GLIS3: variants seen among roughly 807,000 people sequenced by gnomAD.
GLIS3 encodes the protein GLIS family zinc finger 3, also known as zinc finger protein GLIS3.
Under a neutral mutation model 78.6 loss-of-function variants are expected in GLIS3, and 53 were observed. The ratio of observed to expected loss-of-function variants is 0.67; its 90% CI spans 0.54 to 0.85. The LOEUF (loss-of-function observed/expected upper bound fraction) is 0.85, where lower values mean the gene tolerates loss of function less well. Ranked by LOEUF, GLIS3 falls within the 40% of genes least tolerant of loss-of-function variation. GLIS3 has a pLI of 0.00. For missense variants in GLIS3, 1,703 were observed against 1,231.1 expected, an observed-to-expected ratio of 1.38 and a Z score of -5.74; for synonymous variants, 684 against 509.9, an observed-to-expected ratio of 1.34 and a Z score of -4.60.
intron 9 of GLIS3, among the ~76,000 whole-genome samples, chr9:3,843,063 G>A (rs1203114189): frequency 6.6e-6 from 1 of 152,102 alleles, no homozygotes; most frequent in East Asian, 1.9e-4. Context: ...GTCAGTTCTT[G>A]GTCAAGGTGA....
chr9:4,113,175 A>T (rs1831367325), intron 4 of GLIS3, among the ~76,000 whole-genome samples: 1 of 152,122 alleles, frequency 6.6e-6, no homozygotes, highest in South Asian at 2.1e-4. Context: ...TATATGTAAT[A>T]TATATATGCG....
At chr9:3,936,237 T>G (rs556404665) in intron 5 of GLIS3, among the ~76,000 whole-genome samples, 1 of 152,102 alleles carries the variant, frequency 6.6e-6, no homozygotes, top group South Asian at 2.1e-4. Context: ...TTACATAGAG[T>G]CTACCTGGCC....
At chr9:4,172,947 C>T (rs143227666) in intron 2 of GLIS3, among the ~76,000 whole-genome samples, 7 of 152,238 alleles carry the variant, frequency 4.6e-5, no homozygotes, top group East Asian at 1.9e-4. Context: ...TTCGATTTTC[C>T]GAGAAAAGCC....
At chr9:4,059,897 A>C (rs978193773) in intron 4 of GLIS3, among the ~76,000 whole-genome samples, 1 of 139,228 alleles carries the variant, frequency 7.2e-6, no homozygotes, top group African/African-American at 2.5e-5. Flanking sequence ...CTACTAGCTC[A>C]AAAAATAAAA....
chr9:3,969,288 T>C (rs915540203), intron 4 of GLIS3, among the ~76,000 whole-genome samples: 1 of 152,254 alleles, frequency 6.6e-6, no homozygotes, highest in African/African-American at 2.4e-5. Flanking sequence ...TTTCTTTGAA[T>C]AAAAGGTTGC....
At chr9:4,150,560 C>T (rs1478057470) in intron 2 of GLIS3, among the ~76,000 whole-genome samples, 1 of 152,200 alleles carries the variant, frequency 6.6e-6, no homozygotes, top group East Asian at 1.9e-4. Context: ...ATTCCTCTTC[C>T]CATCTGCAAA....
chr9:4,374,275 T>C, the GLIS3 span, among the ~76,000 whole-genome samples: 2 of 152,224 alleles, frequency 1.3e-5, no homozygotes, highest in Non-Finnish European at 2.9e-5. Flanking sequence ...GCAATGGCTG[T>C]TATGGGCTAA....
the GLIS3 span, among the ~76,000 whole-genome samples, chr9:4,388,625 G>T: frequency 6.6e-6 from 1 of 152,054 alleles, no homozygotes; most frequent in Non-Finnish European, 1.5e-5. Flanking sequence ...GCAGTGAGCC[G>T]AGATGGCGCC....
intron 4 of GLIS3, among the ~76,000 whole-genome samples, chr9:4,106,401 C>G (rs141846099): frequency 3.0e-3 from 458 of 152,216 alleles, no homozygotes; most frequent in African/African-American, 0.01. Flanking sequence ...AGGGCGAATG[C>G]CGGTAGAACA....
At chr9:3,959,172 G>A (rs1487726187) in intron 4 of GLIS3, among the ~76,000 whole-genome samples, 1 of 152,172 alleles carries the variant, frequency 6.6e-6, no homozygotes, top group Non-Finnish European at 1.5e-5. Flanking sequence ...AAGGATTAAT[G>A]GGCAGAGCCC....
intron 2 of GLIS3, among the ~76,000 whole-genome samples, chr9:4,180,771 T>C (rs1817249871): frequency 1.3e-5 from 2 of 152,174 alleles, no homozygotes; most frequent in Admixed American, 6.5e-5. Context: ...TAGAGGTAAG[T>C]CCACCACCAT....
rs146313122 is a variant in GLIS3 at position 4,022,709 on chromosome 9, T to C, written c.1711-85520A>G. Reference sequence around the variant, plus strand: ...GTGGATAAACAAAATACAGTATGCATCCACCCAGTGAAACAGTATTCCACA... The same window carrying C: ...GTGGATAAACAAAATACAGTATGCACCCACCCAGTGAAACAGTATTCCACA... On this transcript the variant is annotated intron_variant, in intron 4 of 10. Coordinates refer to ENST00000381971, the MANE Select transcript of GLIS3 (RefSeq NM_001042413.2). 3.9e-5 allele frequency among the ~76,000 whole-genome samples: 6 copies of C among 152,246 alleles called. No homozygotes were observed. The East Asian group carries it at 9.6e-4, about 24-fold the overall frequency.
chr9:4,039,453 CT>C (rs761883499), intron 4 of GLIS3, among the ~76,000 whole-genome samples: 24 of 152,270 alleles, frequency 1.6e-4, no homozygotes, highest in Admixed American at 9.8e-4. Flanking sequence ...GAGGCCTGTG[CT>C]TCTTGGAAAC....
At chr9:4,328,103 G>GT (rs1817629392) in intron 2 of GLIS3, among the ~76,000 whole-genome samples, 1 of 152,144 alleles carries the variant, frequency 6.6e-6, no homozygotes. Flanking sequence ...TGGTCACGTG[G>GT]CCCACTGATG....
chr9:4,317,148 G>A (rs1418093497), intron 2 of GLIS3, among the ~76,000 whole-genome samples: 1 of 152,164 alleles, frequency 6.6e-6, no homozygotes, highest in South Asian at 2.1e-4. Flanking sequence ...AGTGCCTTTC[G>A]ACTGCAAGGT....
chr9:3,965,582 T>G (rs145176576), intron 4 of GLIS3, among the ~76,000 whole-genome samples: 22 of 152,252 alleles, frequency 1.4e-4, no homozygotes, highest in African/African-American at 5.3e-4. Context: ...TAAAGAAAAG[T>G]TGTAAAAGAT....
intron 2 of GLIS3, among the ~76,000 whole-genome samples, chr9:4,158,440 G>A (rs569480412): frequency 3.3e-5 from 5 of 152,162 alleles, no homozygotes; most frequent in Non-Finnish European, 5.9e-5. Flanking sequence ...AGGAAGGGTC[G>A]AGATTAAGAA....
intron 9 of GLIS3, among the ~76,000 whole-genome samples, chr9:3,851,811 T>C (rs1819452036): frequency 6.6e-6 from 1 of 152,240 alleles, no homozygotes; most frequent in East Asian, 1.9e-4. Context: ...ATATTTATTT[T>C]AGTGTGCCTT....
the GLIS3 span, among the ~76,000 whole-genome samples, chr9:4,376,138 GT>G: frequency 1.3e-5 from 2 of 152,182 alleles, no homozygotes; most frequent in Non-Finnish European, 2.9e-5. Flanking sequence ...TTGGGGTGGG[GT>G]TTGGTGTGCG....
Sources: gnomAD v4.1 joint callset for allele counts (sites outside exome capture counted in the v4.1 genomes callset) on GRCh38, gnomAD v4.1.1 for gene constraint, MANE v1.5 for transcripts, NCBI Gene and HGNC (gene_info 2026-07-23, HGNC 2026-07-21) for gene names.